OSBPL8: variants seen among roughly 807,000 people sequenced by gnomAD.
OSBPL8 encodes the protein oxysterol binding protein like 8, also known as oxysterol-binding protein-related protein 8.
Under a neutral mutation model 125.5 loss-of-function variants are expected in OSBPL8, and 59 were observed. The ratio of observed to expected loss-of-function variants is 0.47; its 90% CI spans 0.38 to 0.58. OSBPL8 has a LOEUF of 0.58. Among genes scored for constraint, OSBPL8 ranks in the 20% least tolerant of loss-of-function variants. The probability of loss-of-function intolerance (pLI) is 0.00; values close to 1 mark genes in which losing one functional copy is unlikely to be tolerated. For synonymous variants in OSBPL8, 330 were observed against 338.9 expected, an observed-to-expected ratio of 0.97 and a Z score of 0.29; for missense variants, 758 against 1,047.8, an observed-to-expected ratio of 0.72 and a Z score of 3.82.
intron 15 of OSBPL8, among the ~76,000 whole-genome samples, chr12:76,379,315 A>C (rs572829006): frequency 6.6e-6 from 1 of 152,300 alleles, no homozygotes; most frequent in South Asian, 2.1e-4. Context: ...TCAACGATAA[A>C]ATACTATGGT....
At chr12:76,466,165 G>A (rs1875405912) in intron 2 of OSBPL8, among the ~76,000 whole-genome samples, 1 of 151,884 alleles carries the variant, frequency 6.6e-6, no homozygotes, top group Non-Finnish European at 1.5e-5. Flanking sequence ...AATATCAACA[G>A]TAGTTAACTT....
intron 1 of OSBPL8, among the ~76,000 whole-genome samples, chr12:76,488,329 T>C (rs1878370446): frequency 6.6e-6 from 1 of 152,172 alleles, no homozygotes; most frequent in Non-Finnish European, 1.5e-5. Flanking sequence ...ATTTTATATA[T>C]ATAAGATACT....
rs1953303070 is a variant in OSBPL8, at chr12:76,386,220, C to A, written c.1481G>T (p.Cys494Phe). Reference protein sequence around the residue: ...YNPILGETFRCLWIHPRTNSK... With the variant: ...YNPILGETFRFLWIHPRTNSK... ...GTTTGTTCTGGGATGAATCCATAAACAACGGAAAGTCTCGCCAAGTATAGG... is the reference window on the plus strand; with the variant it reads ...GTTTGTTCTGGGATGAATCCATAAAAAACGGAAAGTCTCGCCAAGTATAGG... Residue 494 changes from cysteine (C) to phenylalanine (F), a missense_variant, in exon 14 of 24, where the codon TGT (cysteine) becomes TTT (phenylalanine). This residue lies in a region of OSBPL8 where 572 missense variants were observed against 762.0 expected (regional missense o/e 0.75). Coordinates refer to ENST00000261183, the MANE Select transcript of OSBPL8 (RefSeq NM_020841.5). The A allele has an allele frequency of 6.2e-7, 1 of 1,606,098 alleles. No individual in the cohort carries two copies. Among genetic ancestry groups the A allele is most frequent in the South Asian group, 1.1e-5 (1 of 90,664 alleles).
At chr12:76,504,337 T>C (rs1181295260) in intron 1 of OSBPL8, among the ~76,000 whole-genome samples, 1 of 152,214 alleles carries the variant, frequency 6.6e-6, no homozygotes, top group African/African-American at 2.4e-5. Flanking sequence ...AATATAGGTA[T>C]AAATAAATTT....
At chr12:76,532,963 G>C (rs1950388449) in intron 1 of OSBPL8, among the ~76,000 whole-genome samples, 1 of 152,100 alleles carries the variant, frequency 6.6e-6, no homozygotes, top group Non-Finnish European at 1.5e-5. Context: ...AATCATTTAA[G>C]TTACCCAAAC....
At chr12:76,484,943 G>A (rs369050508) in intron 2 of OSBPL8, among the ~76,000 whole-genome samples, 6 of 152,072 alleles carry the variant, frequency 3.9e-5, no homozygotes, top group East Asian at 3.9e-4. Flanking sequence ...TTTTTGAGAC[G>A]GAGTTTCGCT....
At chr12:76,530,245 GAA>G (rs1242047554) in intron 1 of OSBPL8, among the ~76,000 whole-genome samples, 1 of 85,312 alleles carries the variant, frequency 1.2e-5, no homozygotes, top group African/African-American at 4.9e-5. Flanking sequence ...TTTTTTTGTA[GAA>G]AAGTCTCACT....
At chr12:76,503,755 G>A (rs376181789) in intron 1 of OSBPL8, among the ~76,000 whole-genome samples, 2 of 151,868 alleles carry the variant, frequency 1.3e-5, no homozygotes, top group East Asian at 3.9e-4. Flanking sequence ...GTGCTAGCTA[G>A]GATGGTTTCG....
intron 7 of OSBPL8, 81 bp from the exon 8 acceptor site, chr12:76,397,978 A>G: frequency 1.6e-6 from 2 of 1,238,670 alleles, no homozygotes; most frequent in Non-Finnish European, 2.3e-6. Context: ...AAGATGTTTT[A>G]ATCTAAAATT....
chr12:76,513,746 T>G (rs1012513983), intron 1 of OSBPL8, among the ~76,000 whole-genome samples: 14 of 76,288 alleles, frequency 1.8e-4, no homozygotes, highest in East Asian at 9.4e-4. Context: ...ACCCCTGGGT[T>G]TTTTTTTTTT....
In OSBPL8 at chr12:76,356,585, C is replaced by G. The variant is rs746815081; in HGVS notation, c.2537+41G>C. On this transcript the variant is annotated intron_variant, in intron 23 of 23. Transcript: ENST00000261183. The stretch of plus-strand genomic sequence containing the variant: ...CCATATAACAGGATTCTTAACTACT[C>G]CTTGGTCTCAAATGAATAGTCAGTG... The G allele has an allele frequency of 3.1e-6, 4 of 1,282,344 alleles. No homozygotes were observed. In the East Asian group the frequency reaches 9.4e-5, roughly 30 times the overall value. The allele number at this position is 1,282,344 out of a possible 1,614,324, so 79.4% of individuals were successfully genotyped here. A position where few individuals can be genotyped will look rare whatever the true frequency, so the allele number is the denominator to read the frequency against.
chr12:76,555,614 T>C (rs954054367), intron 1 of OSBPL8, among the ~76,000 whole-genome samples: 4 of 152,238 alleles, frequency 2.6e-5, no homozygotes, highest in African/African-American at 9.6e-5. Flanking sequence ...AGGTATGCAC[T>C]TTCACATGCA....
chr12:76,358,475 C>T (rs954287799), intron 22 of OSBPL8, among the ~76,000 whole-genome samples: 1 of 152,068 alleles, frequency 6.6e-6, no homozygotes, highest in African/African-American at 2.4e-5. Flanking sequence ...AGCCACCACA[C>T]CCTGCCTAGA....
intron 1 of OSBPL8, among the ~76,000 whole-genome samples, chr12:76,541,820 C>T (rs998367264): frequency 1.3e-5 from 2 of 152,030 alleles, no homozygotes; most frequent in Admixed American, 1.3e-4. Flanking sequence ...CGTGCCACTG[C>T]ACTCCAGCCT....
Position 76,538,541 on chromosome 12 carries a change from A to C in OSBPL8, c.-68+20856T>G, listed in dbSNP as rs1394033231. ...AATCAAACACCTGTAAGAATGATTA[A>C]AGGGATGACAGGCAACATGAGAGCA... On this transcript the variant is annotated intron_variant, in intron 1 of 23. Coordinates refer to ENST00000261183, the MANE Select transcript of OSBPL8 (RefSeq NM_020841.5). Among the ~76,000 whole-genome samples the C allele has an allele frequency of 2.0e-5, 3 of 152,226 alleles. No homozygotes were observed. The East Asian group carries it at 5.8e-4, about 29-fold the overall frequency.
chr12:76,441,719 A>G (rs1035045011), intron 4 of OSBPL8, among the ~76,000 whole-genome samples: 7 of 152,092 alleles, frequency 4.6e-5, no homozygotes, highest in African/African-American at 1.4e-4. Flanking sequence ...TATTTGTGAC[A>G]TCTTAAAATC....
At chr12:76,390,376 A>T (rs779464020) in intron 11 of OSBPL8, 44 bp downstream of exon 11, 1 of 1,360,672 alleles carries the variant, frequency 7.3e-7, no homozygotes, top group Non-Finnish European at 1.0e-6. Flanking sequence ...AAGAATTCCC[A>T]AGAATATGAA....
intron 4 of OSBPL8, among the ~76,000 whole-genome samples, chr12:76,440,830 A>C (rs898458896): frequency 6.6e-6 from 1 of 152,204 alleles, no homozygotes; most frequent in African/African-American, 2.4e-5. Context: ...CTCAAGCTTT[A>C]GACCTTCAGA....
intron 19 of OSBPL8, 22 bp from the exon 20 acceptor site, chr12:76,369,844 T>G (rs1294496302): frequency 1.3e-6 from 2 of 1,578,720 alleles, no homozygotes; most frequent in African/African-American, 2.7e-5. Flanking sequence ...GCGAAAATAT[T>G]AAAAGTATTA....
Sources: allele counts gnomAD v4.1 joint callset (sites outside exome capture counted in the v4.1 genomes callset), GRCh38; gene constraint gnomAD v4.1.1; regional missense constraint gnomAD v4.1.1; transcripts MANE v1.5; gene names NCBI Gene and HGNC (gene_info 2026-07-23, HGNC 2026-07-21).